Variants in GPRIN3 observed in about 807,000 individuals in gnomAD.
The protein encoded by GPRIN3 is GPRIN family member 3, also known as G protein-regulated inducer of neurite outgrowth 3.
In GPRIN3, 12 loss-of-function variants were observed where a neutral mutation model predicts 13.7. The observed-to-expected ratio is 0.87, with a 90% CI of 0.56 to 1.42. GPRIN3 has a LOEUF of 1.42. Ranked by LOEUF, GPRIN3 falls within the 40% of genes most tolerant of loss-of-function variation. GPRIN3 has a pLI of 0.00. For missense variants in GPRIN3, 1,009 were observed against 958.7 expected, an observed-to-expected ratio of 1.05 and a Z score of -0.69; for synonymous variants, 377 against 372.7, an observed-to-expected ratio of 1.01 and a Z score of -0.13.
intron 1 of GPRIN3, among the ~76,000 whole-genome samples, chr4:89,288,656 G>A (rs1008894906): frequency 3.3e-5 from 5 of 152,188 alleles, no homozygotes; most frequent in Admixed American, 1.3e-4. Context: ...ACAGTATGCA[G>A]TTCTTCTAAA....
chr4:89,260,804 G>A (rs1209109541), intron 1 of GPRIN3, among the ~76,000 whole-genome samples: 1 of 152,092 alleles, frequency 6.6e-6, no homozygotes, highest in Non-Finnish European at 1.5e-5. Flanking sequence ...GAAAAAGAAT[G>A]GTCTTTCATT....
chr4:89,291,781 T>A (rs1385434025), intron 1 of GPRIN3, among the ~76,000 whole-genome samples: 1 of 151,790 alleles, frequency 6.6e-6, no homozygotes, highest in Non-Finnish European at 1.5e-5. Flanking sequence ...AGTAACATAG[T>A]AGCGTTCCAG....
chr4:89,297,769 G>C (rs1307596379), intron 1 of GPRIN3, among the ~76,000 whole-genome samples: 1 of 152,150 alleles, frequency 6.6e-6, no homozygotes, highest in Non-Finnish European at 1.5e-5. Context: ...AAATAGCTGG[G>C]TATTTACAGT....
In GPRIN3 at chr4:89,250,230, C is replaced by G. The variant is rs1723290353; in HGVS notation, c.-120G>C. ...GTCAGGGATGATTCCTCTGAAGAAC[C>G]AGCCTGTGAATCAAGGAAACAGCAT... is the stretch of plus-strand genomic sequence containing the variant. On this transcript the variant is annotated 5_prime_UTR_variant, in exon 2 of 2. Transcript: ENST00000609438. The G allele has an allele frequency of 6.7e-7, 1 of 1,500,134 alleles. No individual in the cohort carries two copies. The highest frequency in any genetic ancestry group is 8.9e-7 in the Non-Finnish European group (1 of 1,125,206). The allele number at this position is 1,500,134 out of a possible 1,614,324, so 92.9% of individuals were successfully genotyped here.
Position 89,249,197 on chromosome 4 carries a change from G to C in GPRIN3, c.914C>G (p.Ala305Gly). 3 of 1,614,150 alleles carry C rather than the reference G, an allele frequency of 1.9e-6. No homozygotes were observed. The highest frequency in any genetic ancestry group is 1.6e-4 in the Middle Eastern group (1 of 6,062). Residue 305 changes from alanine (A) to glycine (G), a missense_variant, in exon 2 of 2, where the codon GCT (alanine) becomes GGT (glycine). Transcript: ENST00000609438. ...GGGAACTTCCTTGATTTCACTTTCAGCTTGGTTGGTCATCGTACTGGCTTC... is the reference window on the plus strand; with the variant it reads ...GGGAACTTCCTTGATTTCACTTTCACCTTGGTTGGTCATCGTACTGGCTTC... ...FKEASTMTNQ[A>G]ESEIKEVPSR... is the part of the protein sequence containing the mutation.
rs1438227730 is a variant in GPRIN3 at position 89,245,886 on chromosome 4, A to T, written c.*1894T>A. ...ATTTCAACATTACATAGTATTCTTA[A>T]TAGACACCAATGGGTAAGAAACTGA... is the stretch of plus-strand genomic sequence containing the variant. On this transcript the variant is annotated 3_prime_UTR_variant, in exon 2 of 2. Transcript: ENST00000609438. 6.6e-6 allele frequency: 1 copy of T among 152,364 alleles called. No individual in the cohort carries two copies. Among genetic ancestry groups the T allele is most frequent in the East Asian group, 1.9e-4 (1 of 5,184 alleles). 9.4% of individuals were successfully genotyped at this position (152,364 alleles called of 1,614,324 possible).
intron 1 of GPRIN3, among the ~76,000 whole-genome samples, chr4:89,278,102 G>A (rs1724142867): frequency 6.6e-6 from 1 of 152,160 alleles, no homozygotes; most frequent in Admixed American, 6.5e-5. Flanking sequence ...TTCTGAGTGA[G>A]GAAAGTGAGG....
intron 1 of GPRIN3, among the ~76,000 whole-genome samples, chr4:89,295,174 T>G (rs1440072303): frequency 6.6e-6 from 1 of 152,174 alleles, no homozygotes; most frequent in East Asian, 1.9e-4. Context: ...CATTTCTAGC[T>G]AGGAAATGTA....
At chr4:89,270,566 TA>T (rs1379798046) in intron 1 of GPRIN3, among the ~76,000 whole-genome samples, 65 of 15,788 alleles carry the variant, frequency 4.1e-3, no homozygotes, top group African/African-American at 0.013. Flanking sequence ...GTATATAATT[TA>T]TATATATATA....
chr4:89,259,070 T>C (rs1367101777), intron 1 of GPRIN3, among the ~76,000 whole-genome samples: 1 of 152,208 alleles, frequency 6.6e-6, no homozygotes, highest in East Asian at 1.9e-4. Context: ...TCTTACATGG[T>C]CCAACATTTA....
At chr4:89,259,363 G>T (rs748265379) in intron 1 of GPRIN3, among the ~76,000 whole-genome samples, 1 of 152,142 alleles carries the variant, frequency 6.6e-6, no homozygotes, top group African/African-American at 2.4e-5. Context: ...ATTCAAATCT[G>T]AATATTTTCT....
chr4:89,247,835 T>C lies in GPRIN3; in HGVS notation c.2276A>G (p.Asn759Ser). 6.2e-7 allele frequency: 1 copy of C among 1,614,082 alleles called. No individual in the cohort carries two copies. The highest frequency in any genetic ancestry group is 1.1e-5 in the South Asian group (1 of 91,084). The change falls in exon 2 of 2, where the codon AAC (asparagine) becomes AGC (serine). Residue 759 changes from asparagine to serine, a missense_variant. Transcript: ENST00000609438. ...GACGCAGCAGTTGGGGCGTCGGAAG[T>C]TCTGCAGCATGGACTGGAAAACACT... is the stretch of plus-strand genomic sequence containing the variant. ...QHSVFQSMLQ[N>S]FRRPNCCVRP...
At chr4:89,300,135 A>G (rs191824371) in intron 1 of GPRIN3, among the ~76,000 whole-genome samples, 304 of 152,228 alleles carry the variant, frequency 2.0e-3, no homozygotes, top group African/African-American at 6.6e-3. Flanking sequence ...ACCATGGTTA[A>G]TGGGGGTTAA....
intron 1 of GPRIN3, among the ~76,000 whole-genome samples, chr4:89,270,575 A>ATATATATTTATATATGTATATAATT (rs1561205478): frequency 6.4e-4 from 62 of 97,372 alleles, no homozygotes; most frequent in African/African-American, 3.7e-3. Context: ...TTATATATAT[A>ATATATATTTATATATGTATATAATT]TATATATATA....
In GPRIN3 at chr4:89,247,657, T is replaced by G; in HGVS notation, c.*123A>C. ...GGATCTAACAATTTTTAATAGCAAT[T>G]TCCTATAGTGAATACTTGCTTTTTC... On this transcript the variant is annotated 3_prime_UTR_variant, in exon 2 of 2. Transcript: ENST00000609438. The G allele has an allele frequency of 1.1e-6, 1 of 947,664 alleles. No homozygotes were observed. The highest frequency in any genetic ancestry group is 1.9e-5 in the South Asian group (1 of 53,436). The allele number at this position is 947,664 out of a possible 1,614,324, so 58.7% of individuals were successfully genotyped here.
chr4:89,249,066 C>T lies in GPRIN3; in HGVS notation c.1045G>A (p.Ala349Thr), dbSNP rs1466555178. 2.5e-6 allele frequency: 4 copies of T among 1,614,180 alleles called. No homozygotes were observed. The highest frequency in any genetic ancestry group is 3.4e-6 in the Non-Finnish European group (4 of 1,180,028). ...TGCTCTTGTTCAAAATGCTCAGGAG[C>T]ACGGCTTTCCTTCAGAAATGCAGTG... is the stretch of plus-strand genomic sequence containing the variant. ...ILTAFLKESR[A>T]PEHFEQEQLR... is the part of the protein sequence containing the mutation. The change falls in exon 2 of 2, where the codon GCT (alanine) becomes ACT (threonine). Residue 349 changes from alanine to threonine, a missense_variant. Coordinates refer to ENST00000609438, the MANE Select transcript of GPRIN3 (RefSeq NM_198281.3).
At chr4:89,252,815 T>C (rs1723363786) in intron 1 of GPRIN3, among the ~76,000 whole-genome samples, 1 of 152,172 alleles carries the variant, frequency 6.6e-6, no homozygotes, top group South Asian at 2.1e-4. Flanking sequence ...TACCCCAGTA[T>C]TCTGTTGCAA....
chr4:89,243,354 G>A lies in GPRIN3; in HGVS notation c.*4426C>T, dbSNP rs1354384011. On this transcript the variant is annotated 3_prime_UTR_variant, in exon 2 of 2. Transcript: ENST00000609438. ...GCCAGTTGAAGAATTTCATTAAGAAGGATATCGTTACAAGGATGGACAGGA... is the reference window on the plus strand; with the variant it reads ...GCCAGTTGAAGAATTTCATTAAGAAAGATATCGTTACAAGGATGGACAGGA... 2.6e-5 allele frequency: 4 copies of A among 152,240 alleles called. No individual in the cohort carries two copies. The highest frequency in any genetic ancestry group is 2.1e-4 in the South Asian group (1 of 4,824). 9.4% of individuals were successfully genotyped at this position (152,240 alleles called of 1,614,324 possible). A position where few individuals can be genotyped will look rare whatever the true frequency, so the allele number is the denominator to read the frequency against.
chr4:89,289,779 A>G (rs1416047155), intron 1 of GPRIN3, among the ~76,000 whole-genome samples: 1 of 152,094 alleles, frequency 6.6e-6, no homozygotes, highest in East Asian at 1.9e-4. Flanking sequence ...AGCTTATGTA[A>G]TCACTAATAG....
Sources: allele counts gnomAD v4.1 joint callset (sites outside exome capture counted in the v4.1 genomes callset), GRCh38; gene constraint gnomAD v4.1.1; transcripts MANE v1.5; gene names NCBI Gene and HGNC (gene_info 2026-07-23, HGNC 2026-07-21).